Variants in CA1 observed in about 807,000 individuals in gnomAD.
CA1 encodes the protein carbonate dehydratase I.
Under a neutral mutation model 28.8 loss-of-function variants are expected in CA1, and 27 were observed. The observed-to-expected ratio is 0.94, with a 90% CI of 0.69 to 1.29. The LOEUF (loss-of-function observed/expected upper bound fraction) is 1.29, where lower values mean the gene tolerates loss of function less well. CA1 is among the 50% of genes most tolerant of loss of function. CA1 has a pLI of 0.00. For missense variants in CA1, 335 were observed against 310.5 expected (o/e 1.08, Z -0.59); for synonymous variants, 121 against 108.8 (o/e 1.11, Z -0.70).
chr8:85,338,840 A>G (rs1808794807), intron 2 of CA1, among the ~76,000 whole-genome samples: 2 of 150,906 alleles, frequency 1.3e-5, no homozygotes, highest in Admixed American at 1.3e-4. Flanking sequence ...GAGCTTCCCA[A>G]GTAGCTGGGA....
intron 1 of CA1, among the ~76,000 whole-genome samples, chr8:85,344,019 G>A (rs1809027988): frequency 7.0e-6 from 1 of 143,426 alleles, no homozygotes; most frequent in Admixed American, 7.1e-5. Context: ...ATGATCTTTG[G>A]GTTACTTTTG....
At chr8:85,341,873 T>C in intron 1 of CA1, 1 of 440,064 alleles carries the variant, frequency 2.3e-6, no homozygotes, top group Non-Finnish European at 4.1e-6. Flanking sequence ...TTAATTTTCT[T>C]ATATTGTAAA....
chr8:85,364,027 G>A (rs1216818359), intron 1 of CA1, among the ~76,000 whole-genome samples: 2 of 150,986 alleles, frequency 1.3e-5, no homozygotes, highest in African/African-American at 4.9e-5. Flanking sequence ...TTTAAATAGA[G>A]ACAGGGTCTC....
At chr8:85,374,974 T>G (rs906490921) in intron 1 of CA1, among the ~76,000 whole-genome samples, 1 of 152,192 alleles carries the variant, frequency 6.6e-6, no homozygotes. Context: ...ACAGGAAATA[T>G]GATGCCGTAC....
At chr8:85,354,551 A>G (rs1809534379) in intron 1 of CA1, among the ~76,000 whole-genome samples, 1 of 152,206 alleles carries the variant, frequency 6.6e-6, no homozygotes, top group Non-Finnish European at 1.5e-5. Context: ...AATAGCTTAT[A>G]GAACAAGGAC....
intron 1 of CA1, among the ~76,000 whole-genome samples, chr8:85,342,110 T>C (rs17814594): frequency 0.12 from 18,641 of 152,130 alleles, 1,374 homozygotes; most frequent in Non-Finnish European, 0.17. Context: ...TCTGAACTAG[T>C]ATCTTAATGT....
chr8:85,364,714 C>G (rs1809937205), intron 1 of CA1, among the ~76,000 whole-genome samples: 1 of 152,158 alleles, frequency 6.6e-6, no homozygotes, highest in South Asian at 2.1e-4. Flanking sequence ...TCTTAGTACA[C>G]TATTTTCAGG....
intron 1 of CA1, among the ~76,000 whole-genome samples, chr8:85,354,225 T>C (rs1229191323): frequency 6.6e-6 from 1 of 151,936 alleles, no homozygotes; most frequent in African/African-American, 2.4e-5. Flanking sequence ...TCCACCCACC[T>C]TGGCCTCCCA....
At chr8:85,354,111 G>A (rs918157049) in intron 1 of CA1, among the ~76,000 whole-genome samples, 3 of 150,742 alleles carry the variant, frequency 2.0e-5, no homozygotes, top group African/African-American at 4.9e-5. Flanking sequence ...TTACAGGCCT[G>A]TGCCACCACA....
Position 85,360,399 on chromosome 8 carries a change from A to G in CA1, c.-25+17647T>C, listed in dbSNP as rs373195360. Reference sequence around the variant, plus strand: ...AACAGTAAAGCCTTTTTAGAAAACAATACAAGCGTTGGCTGGGTGTAGTGG... The same window carrying G: ...AACAGTAAAGCCTTTTTAGAAAACAGTACAAGCGTTGGCTGGGTGTAGTGG... On this transcript the variant is annotated intron_variant, in intron 1 of 7. Coordinates refer to ENST00000523022, the MANE Select transcript of CA1 (RefSeq NM_001128831.4). Among the ~76,000 whole-genome samples the G allele has an allele frequency of 5.9e-5, 9 of 152,332 alleles. No individual in the cohort carries two copies. In the East Asian group the frequency reaches 9.6e-4, roughly 16 times the overall value.
intron 2 of CA1, among the ~76,000 whole-genome samples, chr8:85,339,330 A>G (rs1375482938): frequency 6.6e-5 from 10 of 152,172 alleles, no homozygotes; most frequent in African/African-American, 1.7e-4. Context: ...AATTGTTCAT[A>G]TATCTATCAT....
Position 85,329,767 on chromosome 8 carries a change from G to T in CA1, c.591C>A (p.Gly197=). The T allele has an allele frequency of 6.2e-7, 1 of 1,605,962 alleles. No individual in the cohort carries two copies. Residue 197 remains glycine, a synonymous_variant, in exon 7 of 8, where the codon GGC becomes GGA. Transcript: ENST00000523022. The part of the protein sequence containing the change: ...PSSLDFWTYP[G]SLTHPPLYES... ...CATAAAGAGGAGGATGAGTCAGAGA[G>T]CCAGGGTAGGTCCAGAAATCCAGGG...
Position 85,333,606 on chromosome 8 carries a change from G to GC in CA1, c.368_369insG (p.His123GlnfsTer12). ...GGCTGGAGTACTTTGCAGAATTCCA[G>GC]TGAGCTACGTGAAGCTAAAAATGAT... On this transcript the variant is annotated frameshift_variant, in exon 5 of 8. Transcript: ENST00000523022. LOFTEE classifies it high-confidence loss of function. The GC allele has an allele frequency of 6.2e-7, 1 of 1,607,656 alleles. No homozygotes were observed. Among genetic ancestry groups the GC allele is most frequent in the South Asian group, 1.1e-5 (1 of 90,940 alleles).
chr8:85,329,792 G>T lies in CA1; in HGVS notation c.566C>A (p.Ser189Tyr), dbSNP rs1429758308. 5.6e-6 allele frequency: 9 copies of T among 1,603,308 alleles called. No individual in the cohort carries two copies. The highest frequency in any genetic ancestry group is 7.7e-6 in the Non-Finnish European group (9 of 1,173,832). The change falls in exon 7 of 8, where the codon TCC (serine) becomes TAC (tyrosine). Residue 189 changes from serine (S) to tyrosine (Y), a missense_variant. Coordinates refer to ENST00000523022, the MANE Select transcript of CA1 (RefSeq NM_001128831.4). ...NFDPSTLLPS[S>Y]LDFWTYPGSL... ...GCCAGGGTAGGTCCAGAAATCCAGG[G>T]ATGAAGGAAGGAGAGTAGAGGGGTC...
intron 1 of CA1, among the ~76,000 whole-genome samples, chr8:85,368,158 ATAG>A (rs1040281325): frequency 1.7e-4 from 26 of 151,516 alleles, no homozygotes; most frequent in Non-Finnish European, 3.7e-4. Context: ...TAAATTTAAA[ATAG>A]TAATAATAAT....
At chr8:85,378,015 T>TA (rs948251382) in intron 1 of CA1, 31 bp downstream of exon 1, 3 of 152,136 alleles carry the variant, frequency 2.0e-5, no homozygotes, top group African/African-American at 7.2e-5. Context: ...AATGCTCAGC[T>TA]AGATGAAAGG....
At chr8:85,337,244 CCT>C (rs1250497376) in intron 3 of CA1, 181 bp from the exon 4 acceptor site, 2 of 615,570 alleles carry the variant, frequency 3.2e-6, no homozygotes, top group Non-Finnish European at 5.9e-6. Flanking sequence ...ATGGTGCACC[CCT>C]GACTGTGGCA....
At position 85,374,981 on chromosome 8, in the gene CA1, G is replaced by A. The variant is rs768773572; in HGVS notation, c.-25+3065C>T. On this transcript the variant is annotated intron_variant, in intron 1 of 7. Transcript: ENST00000523022. The stretch of plus-strand genomic sequence containing the variant: ...CACCTGATACAGGAAATATGATGCC[G>A]TACAGTCAGAGTAAAATGATAATGG... 3.9e-5 allele frequency among the ~76,000 whole-genome samples: 6 copies of A among 152,228 alleles called. No individual in the cohort carries two copies. In the South Asian group the frequency reaches 8.3e-4, roughly 21 times the overall value.
intron 1 of CA1, among the ~76,000 whole-genome samples, chr8:85,350,425 G>C (rs2130282269): frequency 6.6e-6 from 1 of 152,302 alleles, no homozygotes. Context: ...TGAATGAAAG[G>C]CTCTTAATTG....
Sources: gnomAD v4.1 joint callset for allele counts (sites outside exome capture counted in the v4.1 genomes callset) on GRCh38, gnomAD v4.1.1 for gene constraint, MANE v1.5 for transcripts, NCBI Gene and HGNC (gene_info 2026-07-23, HGNC 2026-07-21) for gene names.